The following BCL2A1 variants were observed in gnomAD, a reference collection of about 807,000 sequenced individuals.
The protein encoded by BCL2A1 is bcl-2-related protein A1.
Under a neutral mutation model 14.4 loss-of-function variants are expected in BCL2A1, and 10 were observed. The ratio of observed to expected loss-of-function variants is 0.69; its 90% CI spans 0.43 to 1.18. The LOEUF (loss-of-function observed/expected upper bound fraction) is 1.18. BCL2A1 is among the 50% of genes most tolerant of loss of function. The pLI is 0.00. For synonymous variants in BCL2A1, 71 were observed against 76.5 expected, an observed-to-expected ratio of 0.93 and a Z score of 0.38; for missense variants, 158 against 205.0, an observed-to-expected ratio of 0.77 and a Z score of 1.40.
At chr15:79,964,015 G>T (rs997281084) in intron 1 of BCL2A1, among the ~76,000 whole-genome samples, 3 of 152,078 alleles carry the variant, frequency 2.0e-5, no homozygotes, top group Non-Finnish European at 2.9e-5. Context: ...GTCTGCATGT[G>T]GATATGTTAG....
intron 1 of BCL2A1, among the ~76,000 whole-genome samples, chr15:79,970,185 A>G (rs1295405147): frequency 6.6e-6 from 1 of 152,104 alleles, no homozygotes; most frequent in Non-Finnish European, 1.5e-5. Flanking sequence ...ATATATTAAT[A>G]TATGTTACTA....
In BCL2A1 at chr15:79,970,698, A is replaced by G. The variant is rs1251078643; in HGVS notation, c.420+2T>C. ...AATGAAGAATTTTTCCATCACACAT[A>G]CCCAGCCTCCGTTTTGCCTTATCCA... On this transcript the variant is annotated splice_donor_variant, in intron 1 of 1. Transcript: ENST00000267953. LOFTEE classifies it high-confidence loss of function. The G allele has an allele frequency of 3.1e-6, 5 of 1,594,916 alleles. No homozygotes were observed. Among genetic ancestry groups the G allele is most frequent in the Non-Finnish European group, 4.3e-6 (5 of 1,166,928 alleles).
intron 1 of BCL2A1, 87 bp downstream of exon 1, chr15:79,970,613 T>C (rs574367850): frequency 2.3e-6 from 3 of 1,293,862 alleles, no homozygotes; most frequent in Non-Finnish European, 3.2e-6. Context: ...TTAGGTAAAG[T>C]GTTTTGTTGT....
intron 1 of BCL2A1, among the ~76,000 whole-genome samples, chr15:79,965,064 C>T (rs1304044325): frequency 6.6e-6 from 1 of 152,082 alleles, no homozygotes; most frequent in Admixed American, 6.6e-5. Context: ...GCTTTTGTTC[C>T]CAGGGTAAAA....
At chr15:79,962,795 C>T (rs1227139081) in intron 1 of BCL2A1, among the ~76,000 whole-genome samples, 2 of 151,936 alleles carry the variant, frequency 1.3e-5, no homozygotes, top group Admixed American at 6.6e-5. Context: ...ATCCACTCAC[C>T]TCGGCCTCAC....
intron 1 of BCL2A1, among the ~76,000 whole-genome samples, chr15:79,964,351 C>A (rs1421002031): frequency 6.6e-6 from 1 of 152,136 alleles, no homozygotes; most frequent in East Asian, 1.9e-4. Context: ...AGCCTGTAAT[C>A]CTAGCACTTT....
intron 1 of BCL2A1, among the ~76,000 whole-genome samples, chr15:79,967,366 G>T (rs145772415): frequency 6.6e-6 from 1 of 151,642 alleles, no homozygotes; most frequent in African/African-American, 2.4e-5. Flanking sequence ...ATAGGCATCC[G>T]CCACCAGGCC....
intron 1 of BCL2A1, among the ~76,000 whole-genome samples, chr15:79,970,318 T>C (rs1378057515): frequency 1.3e-5 from 2 of 152,210 alleles, no homozygotes; most frequent in African/African-American, 4.8e-5. Flanking sequence ...CAACTTTCTG[T>C]GCTGATTGTA....
Position 79,970,789 on chromosome 15 carries a change from C to G in BCL2A1, c.331G>C (p.Asp111His), listed in dbSNP as rs2035585858. ...GAAATCTCCTTATAGGTATCCACAT[C>G]CGGGGCAATTTGCTGTCGTAGAAGT... ...KKLLRQQIAP[D>H]VDTYKEISYF... Residue 111 changes from aspartate to histidine, a missense_variant, in exon 1 of 2, where the codon GAT becomes CAT. Physicochemically the swap from Asp to His is moderately conservative, Grantham distance 81 (BLOSUM62 -1). Transcript: ENST00000267953. 6.2e-7 allele frequency: 1 copy of G among 1,614,198 alleles called. No individual in the cohort carries two copies. The highest frequency in any genetic ancestry group is 8.5e-7 in the Non-Finnish European group (1 of 1,180,020).
At chr15:79,964,903 C>T (rs2035523981) in intron 1 of BCL2A1, among the ~76,000 whole-genome samples, 1 of 152,082 alleles carries the variant, frequency 6.6e-6, no homozygotes, top group African/African-American at 2.4e-5. Context: ...GCAGAGGGAG[C>T]AGCAAGTGCA....
chr15:79,970,572 T>C (rs2035582998), intron 1 of BCL2A1, 128 bp downstream of exon 1: 1 of 1,010,632 alleles, frequency 9.9e-7, no homozygotes, highest in Non-Finnish European at 1.4e-6. Context: ...TTTTAAAAAT[T>C]AAAACAAACC....
chr15:79,967,062 C>G (rs542617241), intron 1 of BCL2A1, among the ~76,000 whole-genome samples: 1 of 152,104 alleles, frequency 6.6e-6, no homozygotes, highest in East Asian at 1.9e-4. Context: ...ACATAGGTTG[C>G]AATATTTTCC....
At chr15:79,969,117 C>A (rs1411131630) in intron 1 of BCL2A1, among the ~76,000 whole-genome samples, 1 of 151,788 alleles carries the variant, frequency 6.6e-6, no homozygotes, top group Non-Finnish European at 1.5e-5. Flanking sequence ...AAAAAATTAA[C>A]CTTACTAGAA....
intron 1 of BCL2A1, among the ~76,000 whole-genome samples, chr15:79,961,938 C>T (rs2035494138): frequency 6.6e-6 from 1 of 152,122 alleles, no homozygotes; most frequent in African/African-American, 2.4e-5. Flanking sequence ...GAAATCGAGG[C>T]CCAGAAAAAT....
chr15:79,970,210 G>A (rs2035580898), intron 1 of BCL2A1, among the ~76,000 whole-genome samples: 1 of 151,886 alleles, frequency 6.6e-6, no homozygotes, highest in African/African-American at 2.4e-5. Flanking sequence ...TTATGTATTA[G>A]TAAACTGAAA....
chr15:79,962,694 C>T (rs564866804), intron 1 of BCL2A1, among the ~76,000 whole-genome samples: 47 of 151,674 alleles, frequency 3.1e-4, no homozygotes, highest in South Asian at 1.0e-3. Flanking sequence ...ACTACAGACG[C>T]GCACCACCAT....
chr15:79,966,886 A>C (rs2035546665), intron 1 of BCL2A1, among the ~76,000 whole-genome samples: 1 of 151,560 alleles, frequency 6.6e-6, no homozygotes. Flanking sequence ...ATAACGAAAG[A>C]GATTATGAGT....
At chr15:79,961,755 T>C (rs554078096) in intron 1 of BCL2A1, among the ~76,000 whole-genome samples, 45 of 152,338 alleles carry the variant, frequency 3.0e-4, no homozygotes, top group African/African-American at 1.1e-3. Context: ...AGGTTGATAG[T>C]TTATTTTATA....
chr15:79,965,826 G>A (rs2035536035), intron 1 of BCL2A1, among the ~76,000 whole-genome samples: 1 of 152,088 alleles, frequency 6.6e-6, no homozygotes, highest in East Asian at 1.9e-4. Flanking sequence ...TCACCTTGCT[G>A]CTAGATCTTT....
Sources: gnomAD v4.1 joint callset for allele counts (sites outside exome capture counted in the v4.1 genomes callset) on GRCh38, gnomAD v4.1.1 for gene constraint, MANE v1.5 for transcripts, NCBI Gene and HGNC (gene_info 2026-07-23, HGNC 2026-07-21) for gene names.